The following SSC5D variants were observed in gnomAD, a reference collection of about 807,000 sequenced individuals.
SSC5D encodes scavenger receptor cysteine rich family member with 5 domains.
A neutral mutation model predicts 104.6 loss-of-function variants in SSC5D; 106 were observed. The ratio of observed to expected loss-of-function variants is 1.01; its 90% CI spans 0.87 to 1.19. The LOEUF (loss-of-function observed/expected upper bound fraction) is 1.19. Among genes scored for constraint, SSC5D ranks in the 50% most tolerant of loss-of-function variants. The pLI, the probability that SSC5D is intolerant of heterozygous loss-of-function variation, is 0.00. For missense variants in SSC5D, 1,993 were observed against 2,153.8 expected (o/e 0.93, Z 1.48); for synonymous variants, 860 against 883.5 (o/e 0.97, Z 0.47).
rs1419020490 is a variant in SSC5D, at chr19:55,489,462, C to T, written c.161C>T (p.Ala54Val). The change falls in exon 3 of 14, where the codon GCC (alanine) becomes GTC (valine). Residue 54 changes from alanine to valine, a missense_variant. By Grantham distance (64) the Ala-to-Val change is moderately conservative. Transcript: ENST00000389623. The stretch of plus-strand genomic sequence containing the variant: ...GATGACGGCTGGGACCTGCGCGATG[C>T]CGCCGTGGCCTGCCGGCAGCTGGGC... ...VCDDGWDLRD[A>V]AVACRQLGCG... 3.4e-6 allele frequency: 5 copies of T among 1,474,604 alleles called. No homozygotes were observed. In the South Asian group the frequency reaches 5.5e-5, roughly 16 times the overall value. The allele number at this position is 1,474,604 out of a possible 1,614,324, so 91.3% of individuals were successfully genotyped here. A position where few individuals can be genotyped will look rare whatever the true frequency, so the allele number is the denominator to read the frequency against.
At chr19:55,508,533 G>C (rs1024769952) in intron 12 of SSC5D, among the ~76,000 whole-genome samples, 7 of 152,194 alleles carry the variant, frequency 4.6e-5, no homozygotes, top group African/African-American at 1.7e-4. Flanking sequence ...GGTCAGGATT[G>C]CAAAAGGCTG....
At position 55,489,670 on chromosome 19, in the gene SSC5D, C is replaced by A; in HGVS notation, c.361+8C>A. 1 of 1,530,266 alleles carries A rather than the reference C, an allele frequency of 6.5e-7. No individual in the cohort carries two copies. The highest frequency in any genetic ancestry group is 8.8e-7 in the Non-Finnish European group (1 of 1,142,836). 94.8% of individuals were successfully genotyped at this position (1,530,266 alleles called of 1,614,324 possible). On this transcript the variant is annotated splice_region_variant and intron_variant, in intron 3 of 13. Transcript: ENST00000389623. ...CGGGCGTCGTCTGCGCAGGTGAGGA[C>A]ACCCTGGCTGCTCCTTCAGGGGGAG...
At position 55,493,642 on chromosome 19, in the gene SSC5D, G is replaced by A. The variant is rs913414333; in HGVS notation, c.943G>A (p.Gly315Ser). 16 of 1,496,110 alleles carry A rather than the reference G, an allele frequency of 1.1e-5. No individual in the cohort carries two copies. The highest frequency in any genetic ancestry group is 1.4e-5 in the African/African-American group (1 of 69,280). 92.7% of individuals were successfully genotyped at this position (1,496,110 alleles called of 1,614,324 possible). A position where few individuals can be genotyped will look rare whatever the true frequency, so the allele number is the denominator to read the frequency against. Residue 315 changes from glycine to serine, a missense_variant, in exon 7 of 14, where the codon GGC becomes AGC. This residue lies in a region of SSC5D where 1,101 missense variants were observed against 1,085.0 expected (regional missense o/e 1.01). Transcript: ENST00000389623. Reference sequence around the variant, plus strand: ...GGCCGATGGCCCCCACGGGTGCGCCGGCCGCCTGGAGGTCTGGCACGGGGG... The same window carrying A: ...GGCCGATGGCCCCCACGGGTGCGCCAGCCGCCTGGAGGTCTGGCACGGGGG... ...RLADGPHGCA[G>S]RLEVWHGGRW...
In SSC5D at chr19:55,503,980, T is replaced by C. The variant is rs543797275; in HGVS notation, c.2785+2779T>C. On this transcript the variant is annotated intron_variant, in intron 12 of 13. Transcript: ENST00000389623. The surrounding 1 kb of genome is among the most constrained non-coding windows in gnomAD (Gnocchi z 4.0). ...GCGCATCGCCCGCAGTAATAATAGC[T>C]GGGCGAAGGGCAACCAGGCCCCAAG... is the stretch of plus-strand genomic sequence containing the variant. 6.7e-4 allele frequency: 553 copies of C among 830,554 alleles called. 2 individuals carry two copies. Among genetic ancestry groups the C allele is most frequent in the South Asian group, 9.6e-4 (50 of 52,300 alleles). 51.4% of individuals were successfully genotyped at this position (830,554 alleles called of 1,614,324 possible).
intron 6 of SSC5D, among the ~76,000 whole-genome samples, chr19:55,493,190 C>A (rs1313240589): frequency 1.3e-5 from 2 of 152,138 alleles, no homozygotes; most frequent in African/African-American, 4.8e-5. Flanking sequence ...TTGGTTGTCG[C>A]AGCTAGGGGG....
At chr19:55,501,479 C>T (rs924748953) in intron 12 of SSC5D, among the ~76,000 whole-genome samples, 1 of 152,190 alleles carries the variant, frequency 6.6e-6, no homozygotes, top group Admixed American at 6.5e-5. Context: ...AAGCCTGGGG[C>T]CCTCAGTCAA....
intron 13 of SSC5D, among the ~76,000 whole-genome samples, chr19:55,514,019 G>A (rs534694291): frequency 6.6e-6 from 1 of 152,298 alleles, no homozygotes; most frequent in Admixed American, 6.5e-5. Context: ...AGAAAGGTGG[G>A]TATTATCCAG....
At chr19:55,495,465 C>G (rs1345880212) in intron 8 of SSC5D, among the ~76,000 whole-genome samples, 1 of 150,038 alleles carries the variant, frequency 6.7e-6, no homozygotes, top group African/African-American at 2.5e-5. Context: ...ACTCCTGATC[C>G]CAAACCATCT....
At chr19:55,496,640 G>A (rs1987333339) in intron 8 of SSC5D, among the ~76,000 whole-genome samples, 1 of 152,114 alleles carries the variant, frequency 6.6e-6, no homozygotes, top group African/African-American at 2.4e-5. Context: ...GCACCGCTGA[G>A]AAATGGGAGA....
chr19:55,504,249 G>T (rs1186285150), intron 12 of SSC5D: 3 of 1,519,542 alleles, frequency 2.0e-6, no homozygotes, highest in Non-Finnish European at 2.6e-6. Context: ...CGGAGACAGC[G>T]GGTCCGGCCT....
chr19:55,513,262 C>A, intron 13 of SSC5D, 90 bp downstream of exon 13: 3 of 1,285,958 alleles, frequency 2.3e-6, no homozygotes, highest in South Asian at 1.6e-5. Context: ...GAACCCTTAC[C>A]CCAGAAAGAC....
In SSC5D at chr19:55,498,159, A is replaced by G. The variant is rs1232294106; in HGVS notation, c.1667A>G (p.Asn556Ser). The G allele has an allele frequency of 1.3e-6, 2 of 1,551,588 alleles. No homozygotes were observed. Among genetic ancestry groups the G allele is most frequent in the South Asian group, 1.2e-5 (1 of 84,066 alleles). Residue 556 changes from asparagine (N) to serine (S), a missense_variant, in exon 9 of 14, where the codon AAC becomes AGC. Physicochemically the swap from Asn to Ser is conservative, Grantham distance 46. This residue lies in a region of SSC5D where 1,101 missense variants were observed against 1,085.0 expected (regional missense o/e 1.01). Transcript: ENST00000389623. Reference protein sequence around the residue: ...DCPAAPWGKHNCAHNEDVGVT... With the variant: ...DCPAAPWGKHSCAHNEDVGVT... ...CCTGCTGCTCCCTGGGGAAAGCACA[A>G]CTGCGCTCACAATGAGGATGTTGGG...
intron 3 of SSC5D, 81 bp from the exon 4 acceptor site, chr19:55,489,801 C>T (rs1191426696): frequency 6.8e-7 from 1 of 1,479,496 alleles, no homozygotes. Context: ...AGCCAGGTGG[C>T]TAACTCCCTC....
In SSC5D at chr19:55,498,213, C is replaced by G. The variant is rs1363989638; in HGVS notation, c.1705+16C>G. 50 of 1,551,318 alleles carry G rather than the reference C, an allele frequency of 3.2e-5. No individual in the cohort carries two copies. Among genetic ancestry groups the G allele is most frequent in the Non-Finnish European group, 4.1e-5 (47 of 1,146,818 alleles). On this transcript the variant is annotated intron_variant, in intron 9 of 13. Coordinates refer to ENST00000389623, the MANE Select transcript of SSC5D (RefSeq NM_001144950.2). ...ACCTGCACTGGTAAGGAGGCCCTAG[C>G]TATCTGTTGACTCCAGGAGGGCTTC...
chr19:55,497,103 C>T (rs1157772498), intron 8 of SSC5D, among the ~76,000 whole-genome samples: 1 of 152,234 alleles, frequency 6.6e-6, no homozygotes, highest in African/African-American at 2.4e-5. Flanking sequence ...GAGAAGCCTT[C>T]TCCAGCTTCC....
chr19:55,493,739 G>A lies in SSC5D; in HGVS notation c.1040G>A (p.Cys347Tyr), dbSNP rs1290094093. The change falls in exon 7 of 14, where the codon TGC becomes TAC. Residue 347 changes from cysteine (C) to tyrosine (Y), a missense_variant. Cys to Tyr is a radical substitution (Grantham distance 194, BLOSUM62 -2). Around this residue, in one of 6 missense-constraint regions of SSC5D, gnomAD observed 1,101 missense variants for 1,085.0 expected, o/e 1.01. Transcript: ENST00000389623. ...DAAVACRELG[C>Y]GGALAAPGGA... Reference sequence around the variant, plus strand: ...GCTGTGGCCTGCCGAGAGCTGGGCTGCGGAGGGGCGCTGGCCGCCCCCGGG... The same window carrying A: ...GCTGTGGCCTGCCGAGAGCTGGGCTACGGAGGGGCGCTGGCCGCCCCCGGG... 39 of 1,524,334 alleles carry A rather than the reference G, an allele frequency of 2.6e-5. No individual in the cohort carries two copies. Among genetic ancestry groups the A allele is most frequent in the Non-Finnish European group, 3.5e-6 (4 of 1,137,656 alleles). 94.4% of individuals were successfully genotyped at this position (1,524,334 alleles called of 1,614,324 possible).
At chr19:55,501,579 C>T (rs1248320471) in intron 12 of SSC5D, among the ~76,000 whole-genome samples, 1 of 152,218 alleles carries the variant, frequency 6.6e-6, no homozygotes, top group Non-Finnish European at 1.5e-5. Context: ...TCTTGAAGCT[C>T]ACGCTCTGGT....
chr19:55,511,889 C>T (rs530370223), intron 12 of SSC5D, among the ~76,000 whole-genome samples: 4 of 152,168 alleles, frequency 2.6e-5, no homozygotes, highest in Non-Finnish European at 4.4e-5. Flanking sequence ...TTTGATGATT[C>T]GGATAGGCAA....
At position 55,490,335 on chromosome 19, in the gene SSC5D, G is replaced by A. The variant is rs750071288; in HGVS notation, c.513G>A (p.Arg171=). 3.5e-5 allele frequency: 52 copies of A among 1,501,988 alleles called. No homozygotes were observed. Among genetic ancestry groups the A allele is most frequent in the Non-Finnish European group, 4.5e-5 (50 of 1,107,346 alleles). The allele number at this position is 1,501,988 out of a possible 1,614,324, so 93.0% of individuals were successfully genotyped here. The change falls in exon 5 of 14, where the codon CGG becomes CGA. Residue 171 remains arginine, a synonymous_variant. Coordinates refer to ENST00000389623, the MANE Select transcript of SSC5D (RefSeq NM_001144950.2). ...CTGGGAACCCCCAGAACGCCTCCCG[G>A]AAGAAGAGCCCCCGGCCCAAGCAGG... ...RPAGNPQNAS[R]KKSPRPKQAK...
Sources: gnomAD v4.1 joint callset for allele counts (sites outside exome capture counted in the v4.1 genomes callset) on GRCh38, gnomAD v4.1.1 for gene constraint, gnomAD v4.1.1 regional missense constraint, Gnocchi (gnomAD v3.1) non-coding constraint, MANE v1.5 for transcripts, NCBI Gene and HGNC (gene_info 2026-07-23, HGNC 2026-07-21) for gene names.